The following CWC25 variants were observed in gnomAD, a reference collection of about 807,000 sequenced individuals.
The protein encoded by CWC25 is pre-mRNA-splicing factor CWC25 homolog.
Under a neutral mutation model 54.6 loss-of-function variants are expected in CWC25, and 31 were observed. The ratio of observed to expected loss-of-function variants is 0.57; its 90% CI spans 0.43 to 0.77. CWC25 has a LOEUF of 0.77. Ranked by LOEUF, CWC25 falls within the 30% of genes least tolerant of loss-of-function variation. The probability of loss-of-function intolerance (pLI) is 0.00; values close to 1 mark genes in which losing one functional copy is unlikely to be tolerated. For missense variants in CWC25, 453 were observed against 529.3 expected (o/e 0.86, Z 1.41); for synonymous variants, 151 against 187.0 (o/e 0.81, Z 1.57).
At chr17:38,806,003 G>T (rs1318569371) in intron 8 of CWC25, among the ~76,000 whole-genome samples, 1 of 151,842 alleles carries the variant, frequency 6.6e-6, no homozygotes, top group African/African-American at 2.4e-5. Flanking sequence ...GTAGAGATGG[G>T]GTTTCACCGT....
At chr17:38,821,527 A>T (rs1056786110) in intron 1 of CWC25, among the ~76,000 whole-genome samples, 2 of 152,118 alleles carry the variant, frequency 1.3e-5, no homozygotes, top group African/African-American at 4.8e-5. Context: ...CTGCTGCACT[A>T]CAGCCTGGGC....
chr17:38,806,530 G>C, intron 7 of CWC25, 135 bp from the exon 8 acceptor site: 1 of 849,304 alleles, frequency 1.2e-6, no homozygotes, highest in Non-Finnish European at 1.8e-6. Context: ...AAGGTATAGG[G>C]TTTGATGTTA....
At chr17:38,814,183 TAG>T (rs1317958629) in intron 3 of CWC25, among the ~76,000 whole-genome samples, 3 of 152,228 alleles carry the variant, frequency 2.0e-5, no homozygotes, top group East Asian at 3.9e-4. Context: ...TTGATGGTTA[TAG>T]AGTTTCAATT....
intron 6 of CWC25, 26 bp downstream of exon 6, chr17:38,809,676 T>G: frequency 6.2e-7 from 1 of 1,610,760 alleles, no homozygotes; most frequent in Non-Finnish European, 8.5e-7. Context: ...CCACAGTCAC[T>G]CCTTTCAAGA....
At position 38,806,892 on chromosome 17, in the gene CWC25, T is replaced by C; in HGVS notation, c.775A>G (p.Arg259Gly). The C allele has an allele frequency of 6.2e-7, 1 of 1,613,996 alleles. No individual in the cohort carries two copies. Among genetic ancestry groups the C allele is most frequent in the Non-Finnish European group, 8.5e-7 (1 of 1,179,882 alleles). ...GGTGAGTGGGAGGAGCTTCTGGATC[T>C]GGAATGGTTCTTCATCCCATGCCCT... The part of the protein sequence containing the change: ...KRGHGMKNHS[R>G]SRSSSHSPPR... The change falls in exon 7 of 10, where the codon AGA becomes GGA. Residue 259 changes from arginine to glycine, a missense_variant. This residue lies in a region of CWC25 where 444 missense variants were observed against 499.2 expected (regional missense o/e 0.89). Coordinates refer to ENST00000614790, the MANE Select transcript of CWC25 (RefSeq NM_017748.5).
At chr17:38,813,583 G>A (rs1012938081) in intron 3 of CWC25, among the ~76,000 whole-genome samples, 3 of 147,360 alleles carry the variant, frequency 2.0e-5, no homozygotes, top group South Asian at 2.1e-4. Context: ...ATGCTCAGTC[G>A]TCCAGGCTGC....
intron 8 of CWC25, among the ~76,000 whole-genome samples, chr17:38,805,905 T>C (rs1412128385): frequency 6.6e-6 from 1 of 151,854 alleles, no homozygotes; most frequent in Non-Finnish European, 1.5e-5. Flanking sequence ...CTCCAACCCC[T>C]GGGTTCAAGC....
chr17:38,818,199 C>T (rs147952899), intron 2 of CWC25, among the ~76,000 whole-genome samples: 99 of 151,164 alleles, frequency 6.5e-4, no homozygotes, highest in African/African-American at 2.1e-3. Context: ...CCGCTTGAAC[C>T]CAGGAGGCAG....
intron 6 of CWC25, among the ~76,000 whole-genome samples, chr17:38,807,253 G>T: frequency 7.1e-6 from 1 of 141,232 alleles, no homozygotes; most frequent in African/African-American, 2.6e-5. Context: ...AACTCAGGAG[G>T]TGGAGGTTGC....
chr17:38,819,336 A>C (rs1911830347), intron 2 of CWC25, among the ~76,000 whole-genome samples: 1 of 149,494 alleles, frequency 6.7e-6, no homozygotes, highest in Non-Finnish European at 1.5e-5. Context: ...AGTAGCTGGG[A>C]TTACAGGCAT....
chr17:38,802,930 C>A, intron 8 of CWC25, 69 bp from the exon 9 acceptor site: 1 of 1,587,996 alleles, frequency 6.3e-7, no homozygotes, highest in Non-Finnish European at 8.6e-7. Flanking sequence ...ACAAGAAGCA[C>A]AGAAGCCAGG....
intron 1 of CWC25, among the ~76,000 whole-genome samples, chr17:38,823,055 G>A (rs1489339911): frequency 3.3e-5 from 5 of 151,542 alleles, no homozygotes; most frequent in Admixed American, 1.3e-4. Context: ...AGCCATGATG[G>A]TCTCGATCTC....
intron 1 of CWC25, among the ~76,000 whole-genome samples, chr17:38,821,515 C>T (rs566076938): frequency 4.6e-5 from 7 of 152,276 alleles, no homozygotes; most frequent in South Asian, 4.1e-4. Flanking sequence ...GCCGAAACTG[C>T]GCTGCTGCAC....
intron 4 of CWC25, among the ~76,000 whole-genome samples, chr17:38,811,670 T>G (rs1481231954): frequency 6.6e-6 from 1 of 152,092 alleles, no homozygotes; most frequent in Admixed American, 6.6e-5. Flanking sequence ...AGGGGTTCCC[T>G]GTCAACACAC....
chr17:38,803,397 A>T (rs1911104830), intron 8 of CWC25, among the ~76,000 whole-genome samples: 1 of 152,174 alleles, frequency 6.6e-6, no homozygotes. Flanking sequence ...TGGGAGGCCA[A>T]GGCGGGCAGA....
At chr17:38,812,961 G>T (rs1911551253) in intron 3 of CWC25, 97 bp from the exon 4 acceptor site, 6 of 714,740 alleles carry the variant, frequency 8.4e-6, no homozygotes, top group Non-Finnish European at 1.4e-5. Context: ...ACTGGCCCAT[G>T]TTAAAATCTA....
At chr17:38,808,841 G>A (rs1440577425) in intron 6 of CWC25, among the ~76,000 whole-genome samples, 2 of 151,572 alleles carry the variant, frequency 1.3e-5, no homozygotes, top group African/African-American at 4.9e-5. Context: ...AGCTACTCGG[G>A]AGGCTGAGGC....
Position 38,803,007 on chromosome 17 carries a change from C to T in CWC25, c.1002-146G>A, listed in dbSNP as rs774543987. 3.5e-4 allele frequency: 300 copies of T among 865,760 alleles called. 1 individual carries two copies. Among genetic ancestry groups the T allele is most frequent in the Non-Finnish European group, 4.6e-4 (257 of 561,042 alleles). 53.6% of individuals were successfully genotyped at this position (865,760 alleles called of 1,614,324 possible). ...AAGGCCAGCCTGAGTTCCCTTCTAA[C>T]GTCCTGGTCAGGAGGTTTCATCCAA... is the stretch of plus-strand genomic sequence containing the variant. On this transcript the variant is annotated intron_variant, in intron 8 of 9. Transcript: ENST00000614790.
chr17:38,816,215 C>T (rs1036357564), intron 2 of CWC25, among the ~76,000 whole-genome samples: 12 of 152,096 alleles, frequency 7.9e-5, no homozygotes, highest in Non-Finnish European at 1.5e-4. Flanking sequence ...TATCTATAAC[C>T]TGAAATTAAA....
Sources: gnomAD v4.1 joint callset for allele counts (sites outside exome capture counted in the v4.1 genomes callset) on GRCh38, gnomAD v4.1.1 for gene constraint, gnomAD v4.1.1 regional missense constraint, MANE v1.5 for transcripts, NCBI Gene and HGNC (gene_info 2026-07-23, HGNC 2026-07-21) for gene names.